The following AOAH variants were observed in gnomAD, a reference collection of about 807,000 sequenced individuals.
AOAH encodes acyloxyacyl hydrolase, also known as acyloxyacyl hydrolase (neutrophil).
Under a neutral mutation model 92.2 loss-of-function variants are expected in AOAH, and 64 were observed. The ratio of observed to expected loss-of-function variants is 0.69; its 90% CI spans 0.57 to 0.86. The LOEUF (loss-of-function observed/expected upper bound fraction) is 0.86, where lower values mean the gene tolerates loss of function less well. Ranked by LOEUF, AOAH falls within the 40% of genes least tolerant of loss-of-function variation. The pLI is 0.00. For synonymous variants in AOAH, 263 were observed against 254.5 expected, an observed-to-expected ratio of 1.03 and a Z score of -0.32; for missense variants, 656 against 694.6, an observed-to-expected ratio of 0.94 and a Z score of 0.62.
At chr7:36,715,552 T>A (rs1473892510) in intron 1 of AOAH, among the ~76,000 whole-genome samples, 23 of 148,882 alleles carry the variant, frequency 1.5e-4, no homozygotes, top group African/African-American at 2.2e-4. Context: ...GCTGGAGGCA[T>A]CACGCTGCCT....
intron 12 of AOAH, among the ~76,000 whole-genome samples, chr7:36,587,445 A>G (rs1789423408): frequency 6.6e-6 from 1 of 152,132 alleles, no homozygotes; most frequent in Non-Finnish European, 1.5e-5. Context: ...GATTAGTTGC[A>G]AGGTGGAAGC....
intron 16 of AOAH, among the ~76,000 whole-genome samples, chr7:36,536,949 CA>C (rs11441171): frequency 0.092 from 4,349 of 47,070 alleles, 20 homozygotes; most frequent in East Asian, 0.16. Flanking sequence ...GACTTCATCT[CA>C]AAAAAAAAAA....
rs374889718 is a variant in AOAH at position 36,521,978 on chromosome 7, A to G, written c.1599+61T>C. On this transcript the variant is annotated intron_variant, in intron 20 of 20. Coordinates refer to ENST00000617537, the MANE Select transcript of AOAH (RefSeq NM_001637.4). Reference sequence around the variant, plus strand: ...AAAATAAACACATGAATGTGTAACCATAATTAAAAACCAACAAACCATCAA... The same window carrying G: ...AAAATAAACACATGAATGTGTAACCGTAATTAAAAACCAACAAACCATCAA... 150 of 1,411,478 alleles carry G rather than the reference A, an allele frequency of 1.1e-4. 2 individuals carry two copies. The African/African-American group carries it at 1.8e-3, about 17-fold the overall frequency. 87.4% of individuals were successfully genotyped at this position (1,411,478 alleles called of 1,614,324 possible).
intron 2 of AOAH, among the ~76,000 whole-genome samples, chr7:36,674,810 T>G (rs578257585): frequency 1.3e-5 from 2 of 152,330 alleles, no homozygotes; most frequent in South Asian, 4.1e-4. Context: ...GCCCGGGCCT[T>G]GCTGGATGAT....
At chr7:36,653,002 C>T (rs1216566218) in intron 4 of AOAH, among the ~76,000 whole-genome samples, 2 of 152,216 alleles carry the variant, frequency 1.3e-5, no homozygotes, top group African/African-American at 4.8e-5. Flanking sequence ...TTAGTTTTGA[C>T]TAAGTAATAG....
intron 16 of AOAH, among the ~76,000 whole-genome samples, chr7:36,539,908 G>C (rs12533717): frequency 0.39 from 59,647 of 151,988 alleles, 13,203 homozygotes; most frequent in East Asian, 0.54. Context: ...AAATGAGCAG[G>C]CTGGAGGACT....
chr7:36,541,299 T>C (rs1348055280), intron 15 of AOAH, among the ~76,000 whole-genome samples: 1 of 152,176 alleles, frequency 6.6e-6, no homozygotes, highest in Non-Finnish European at 1.5e-5. Flanking sequence ...AATTTTTAAA[T>C]TATATTTTCT....
chr7:36,656,510 A>G (rs965407135), intron 4 of AOAH, among the ~76,000 whole-genome samples: 1 of 151,954 alleles, frequency 6.6e-6, no homozygotes, highest in Non-Finnish European at 1.5e-5. Context: ...AGAGAGACCC[A>G]AGTTTAGGCA....
intron 3 of AOAH, among the ~76,000 whole-genome samples, chr7:36,668,290 C>T (rs1795683931): frequency 6.6e-6 from 1 of 152,130 alleles, no homozygotes; most frequent in Non-Finnish European, 1.5e-5. Context: ...ACCCCTATGA[C>T]TTGGTTCCCC....
intron 1 of AOAH, among the ~76,000 whole-genome samples, chr7:36,709,689 G>T (rs1798640126): frequency 1.1e-5 from 1 of 92,732 alleles, no homozygotes; most frequent in South Asian, 3.8e-4. Context: ...TTAAAAGACA[G>T]ATTTTTTTTT....
rs567430942 is a variant in AOAH at position 36,657,267 on chromosome 7, C to T, written c.390+1899G>A. Among the ~76,000 whole-genome samples, 7 of 152,256 alleles carry T rather than the reference C, an allele frequency of 4.6e-5. No individual in the cohort carries two copies. In the East Asian group the frequency reaches 5.8e-4, roughly 13 times the overall value. On this transcript the variant is annotated intron_variant, in intron 4 of 20. Transcript: ENST00000617537. ...TCAACCAATCTCTGAGTAGAACAAC[C>T]GGGGTGTGAACCCAGTTCTGTTCTT...
At chr7:36,715,901 G>T (rs565725065) in intron 1 of AOAH, among the ~76,000 whole-genome samples, 2 of 152,264 alleles carry the variant, frequency 1.3e-5, no homozygotes, top group Non-Finnish European at 2.9e-5. Flanking sequence ...ATACCATTCA[G>T]GACATAGGTG....
At chr7:36,607,789 C>A (rs974412250) in intron 11 of AOAH, among the ~76,000 whole-genome samples, 8 of 152,182 alleles carry the variant, frequency 5.3e-5, no homozygotes, top group Non-Finnish European at 1.0e-4. Flanking sequence ...CTCTTGCTGG[C>A]TGAGACTTGC....
In AOAH at chr7:36,614,496, G is replaced by A. The variant is rs1181653643; in HGVS notation, c.846+1884C>T. On this transcript the variant is annotated intron_variant, in intron 11 of 20. Transcript: ENST00000617537. This position sits in a 1 kb window ranked among gnomAD's most constrained non-coding sequence, Gnocchi z 4.2. ...CAGTGGGCCAACTGAGCATGTGTGA[G>A]CGAGGGGACTGGAAACGGGGTCGAC... Among the ~76,000 whole-genome samples the A allele has an allele frequency of 6.6e-6, 1 of 152,180 alleles. No individual in the cohort carries two copies. Among genetic ancestry groups the A allele is most frequent in the Non-Finnish European group, 1.5e-5 (1 of 68,042 alleles).
At chr7:36,571,653 C>T (rs1788156149) in intron 13 of AOAH, among the ~76,000 whole-genome samples, 1 of 152,258 alleles carries the variant, frequency 6.6e-6, no homozygotes, top group Non-Finnish European at 1.5e-5. Context: ...GTCCCTAGCC[C>T]AGCTTTTTCC....
chr7:36,608,303 C>G (rs1162367147), intron 11 of AOAH, among the ~76,000 whole-genome samples: 1 of 152,208 alleles, frequency 6.6e-6, no homozygotes, highest in Non-Finnish European at 1.5e-5. Flanking sequence ...CTGACACTGG[C>G]CATTCCCAGC....
chr7:36,604,669 A>C (rs533576833), intron 11 of AOAH, among the ~76,000 whole-genome samples: 99 of 152,350 alleles, frequency 6.5e-4, no homozygotes, highest in African/African-American at 2.2e-3. Context: ...GATTACGGGC[A>C]GCTACCTCAG....
At chr7:36,633,874 G>A (rs927222724) in intron 5 of AOAH, among the ~76,000 whole-genome samples, 5 of 152,088 alleles carry the variant, frequency 3.3e-5, no homozygotes, top group Admixed American at 1.3e-4. Context: ...TTTGCTGTGC[G>A]GGCTGCCCTG....
intron 11 of AOAH, chr7:36,597,799 G>A (rs1790240860): frequency 6.6e-6 from 1 of 152,178 alleles, no homozygotes; most frequent in Admixed American, 6.5e-5. Flanking sequence ...ACTAAGGGAG[G>A]GGTAAATAAT....
Sources: gnomAD v4.1 joint callset for allele counts (sites outside exome capture counted in the v4.1 genomes callset) on GRCh38, gnomAD v4.1.1 for gene constraint, Gnocchi (gnomAD v3.1) non-coding constraint, MANE v1.5 for transcripts, NCBI Gene and HGNC (gene_info 2026-07-23, HGNC 2026-07-21) for gene names.